CNTNAP2: variants seen among roughly 807,000 people sequenced by gnomAD.
CNTNAP2 encodes the protein contactin associated protein 2.
Under a neutral mutation model 155.2 loss-of-function variants are expected in CNTNAP2, and 98 were observed. That is an observed-to-expected ratio of 0.63 (90% CI 0.54 to 0.75). The LOEUF (loss-of-function observed/expected upper bound fraction) is 0.75. CNTNAP2 is among the 30% of genes least tolerant of loss of function. The pLI is 0.00. For missense variants in CNTNAP2, 1,727 were observed against 1,688.1 expected (o/e 1.02, Z -0.40); for synonymous variants, 651 against 631.2 (o/e 1.03, Z -0.47).
chr7:147,527,983 G>C (rs1007696440), intron 11 of CNTNAP2, among the ~76,000 whole-genome samples: 3 of 152,206 alleles, frequency 2.0e-5, no homozygotes, highest in Admixed American at 1.3e-4. Context: ...AATCCCACTG[G>C]AGAGTCTCTG....
At chr7:146,822,271 T>C (rs1474087377) in intron 2 of CNTNAP2, among the ~76,000 whole-genome samples, 1 of 151,712 alleles carries the variant, frequency 6.6e-6, no homozygotes, top group Non-Finnish European at 1.5e-5. Flanking sequence ...AATTGAACAA[T>C]GAGATCACAT....
At chr7:146,505,252 A>G (rs1296753540) in intron 1 of CNTNAP2, among the ~76,000 whole-genome samples, 2 of 152,212 alleles carry the variant, frequency 1.3e-5, no homozygotes, top group Non-Finnish European at 2.9e-5. Context: ...GGTTGGACAC[A>G]TTGGTCAACT....
chr7:147,372,539 A>T (rs992143863), intron 9 of CNTNAP2, among the ~76,000 whole-genome samples: 3 of 152,144 alleles, frequency 2.0e-5, no homozygotes, highest in African/African-American at 7.2e-5. Context: ...GTCAAGAGAC[A>T]TAGGTCAATT....
intron 3 of CNTNAP2, among the ~76,000 whole-genome samples, chr7:146,891,028 A>G (rs1053268480): frequency 7.9e-5 from 12 of 152,232 alleles, no homozygotes; most frequent in Non-Finnish European, 1.3e-4. Flanking sequence ...AAAATGTGAT[A>G]CATACATATA....
At chr7:146,122,338 A>T (rs909259061) in intron 1 of CNTNAP2, among the ~76,000 whole-genome samples, 2 of 152,184 alleles carry the variant, frequency 1.3e-5, no homozygotes, top group Non-Finnish European at 2.9e-5. Flanking sequence ...TAATTTTAGA[A>T]ATAAGGTTAA....
chr7:147,801,583 TA>T (rs1476958902), intron 13 of CNTNAP2, among the ~76,000 whole-genome samples: 1 of 152,004 alleles, frequency 6.6e-6, no homozygotes, highest in East Asian at 1.9e-4. Context: ...GCACCGCCCT[TA>T]ATCCATTTAA....
chr7:147,640,965 G>A (rs1795264725), intron 13 of CNTNAP2, among the ~76,000 whole-genome samples: 1 of 152,172 alleles, frequency 6.6e-6, no homozygotes, highest in African/African-American at 2.4e-5. Context: ...AATATGCAAA[G>A]GCAGGGCGCC....
intron 8 of CNTNAP2, among the ~76,000 whole-genome samples, chr7:147,297,939 T>C (rs1196602136): frequency 6.6e-6 from 1 of 152,176 alleles, no homozygotes; most frequent in East Asian, 1.9e-4. Context: ...ATATACGTAG[T>C]AGTTGGATTG....
intron 4 of CNTNAP2, among the ~76,000 whole-genome samples, chr7:147,057,982 T>G (rs923970582): frequency 1.3e-5 from 2 of 152,176 alleles, no homozygotes; most frequent in African/African-American, 2.4e-5. Context: ...GCATAAATAT[T>G]GCAAAAGAAA....
chr7:147,043,407 A>G (rs541751290), intron 3 of CNTNAP2, among the ~76,000 whole-genome samples: 2 of 152,332 alleles, frequency 1.3e-5, no homozygotes, highest in African/African-American at 4.8e-5. Context: ...CAAATTCTCT[A>G]AATGTGTCTA....
At chr7:148,387,266 G>A (rs779612829) in intron 22 of CNTNAP2, among the ~76,000 whole-genome samples, 5 of 152,136 alleles carry the variant, frequency 3.3e-5, no homozygotes, top group East Asian at 1.9e-4. Flanking sequence ...CTCTGGTTTC[G>A]TGAGCCTAAG....
At chr7:146,946,170 T>TTC (rs374543073) in intron 3 of CNTNAP2, among the ~76,000 whole-genome samples, 2 of 149,890 alleles carry the variant, frequency 1.3e-5, no homozygotes, top group African/African-American at 4.9e-5. Context: ...TCCCTTTTCT[T>TTC]TCTCTCTCTC....
Position 147,903,653 on chromosome 7 carries a change from C to T in CNTNAP2, c.2187C>T (p.Ala729=). Reference sequence around the variant, plus strand: ...CTGGGCCTGGAATCCAGAAATGTGCCTGCGGCATCGAACGCAACTGCACAG... The same window carrying T: ...CTGGGCCTGGAATCCAGAAATGTGCTTGCGGCATCGAACGCAACTGCACAG... ...GGSGPGIQKC[A]CGIERNCTDP... The change falls in exon 14 of 24, where the codon GCC becomes GCT. Residue 729 remains alanine, a synonymous_variant. Coordinates refer to ENST00000361727, the MANE Select transcript of CNTNAP2 (RefSeq NM_014141.6). The T allele has an allele frequency of 6.2e-7, 1 of 1,614,102 alleles. No homozygotes were observed. Among genetic ancestry groups the T allele is most frequent in the Non-Finnish European group, 8.5e-7 (1 of 1,179,996 alleles).
chr7:147,249,207 T>TA (rs1442161429), intron 8 of CNTNAP2, among the ~76,000 whole-genome samples: 3 of 152,156 alleles, frequency 2.0e-5, no homozygotes, highest in Non-Finnish European at 4.4e-5. Flanking sequence ...GTCAACTTGT[T>TA]AAAAACAGAA....
intron 13 of CNTNAP2, among the ~76,000 whole-genome samples, chr7:147,816,160 T>C (rs1798263181): frequency 6.6e-6 from 1 of 152,026 alleles, no homozygotes; most frequent in African/African-American, 2.4e-5. Context: ...ACAGGAGAAG[T>C]TCATCCTCTC....
chr7:147,802,812 A>G lies in CNTNAP2; in HGVS notation c.2099-100753A>G, dbSNP rs1161789194. Among the ~76,000 whole-genome samples the G allele has an allele frequency of 4.0e-5, 6 of 149,664 alleles. No homozygotes were observed. In the South Asian group the frequency reaches 1.3e-3, roughly 32 times the overall value. On this transcript the variant is annotated intron_variant, in intron 13 of 23. Transcript: ENST00000361727. The stretch of plus-strand genomic sequence containing the variant: ...GGGGGAGGGGGAGAGGGAGAGGGAG[A>G]GGGAGAGGGAGAGGGAGAGCTCTAT...
At position 148,286,204 on chromosome 7, in the gene CNTNAP2, GT is replaced by G. The variant is rs78386875; in HGVS notation, c.3475+19081del. ...ATCTACATATAAGTAGACTCATGCA[GT>G]TTAAAACCATATTGTTCAAGGGTCA... On this transcript the variant is annotated intron_variant, in intron 21 of 23. Coordinates refer to ENST00000361727, the MANE Select transcript of CNTNAP2 (RefSeq NM_014141.6). 8.7e-4 allele frequency among the ~76,000 whole-genome samples: 132 copies of G among 152,310 alleles called. 2 individuals carry two copies. In the East Asian group the frequency reaches 0.017, roughly 20 times the overall value.
chr7:147,770,688 A>C (rs918468945), intron 13 of CNTNAP2, among the ~76,000 whole-genome samples: 2 of 152,198 alleles, frequency 1.3e-5, no homozygotes, highest in African/African-American at 4.8e-5. Context: ...AAAAAGTATA[A>C]AACTTAATGA....
chr7:147,902,794 G>GTGTGTGTGTGTA lies in CNTNAP2; in HGVS notation c.2099-760_2099-759insATGTGTGTGTGT, dbSNP rs1554447653. Among the ~76,000 whole-genome samples, 15 of 137,140 alleles carry GTGTGTGTGTGTA rather than the reference G, an allele frequency of 1.1e-4. No individual in the cohort carries two copies. The East Asian group carries it at 1.9e-3, about 17-fold the overall frequency. The allele number at this position is 137,140 out of a possible 152,430, so 90.0% of individuals were successfully genotyped here. On this transcript the variant is annotated intron_variant, in intron 13 of 23. Transcript: ENST00000361727. ...CATATATGTTTGTGTGTGTGTGTGT[G>GTGTGTGTGTGTA]TGTGTGTGTGTGTGTGTGTATGTGT...
Sources: gnomAD v4.1 joint callset for allele counts (sites outside exome capture counted in the v4.1 genomes callset) on GRCh38, gnomAD v4.1.1 for gene constraint, MANE v1.5 for transcripts, NCBI Gene and HGNC (gene_info 2026-07-23, HGNC 2026-07-21) for gene names.